The following ANXA10 variants were observed in gnomAD, a reference collection of about 807,000 sequenced individuals.
The protein encoded by ANXA10 is annexin 14.
ANXA10 carries 49 observed loss-of-function variants against 53.5 expected under a neutral mutation model. The observed-to-expected ratio is 0.92, with a 90% CI of 0.73 to 1.16. The LOEUF (loss-of-function observed/expected upper bound fraction) is 1.16. Among genes scored for constraint, ANXA10 ranks in the 50% most tolerant of loss-of-function variants. The probability of loss-of-function intolerance (pLI) is 0.00; values close to 1 mark genes in which losing one functional copy is unlikely to be tolerated. For synonymous variants in ANXA10, 131 were observed against 128.9 expected, an observed-to-expected ratio of 1.02 and a Z score of -0.11; for missense variants, 393 against 394.4, an observed-to-expected ratio of 1.00 and a Z score of 0.03.
intron 2 of ANXA10, among the ~76,000 whole-genome samples, chr4:168,137,192 C>T (rs1257840900): frequency 6.6e-6 from 1 of 152,126 alleles, no homozygotes; most frequent in African/African-American, 2.4e-5. Context: ...GGTCAAGGAG[C>T]CATTTTTTTA....
intron 3 of ANXA10, among the ~76,000 whole-genome samples, chr4:168,155,935 G>T: frequency 4.3e-5 from 1 of 23,060 alleles, no homozygotes; most frequent in Non-Finnish European, 7.6e-5. Context: ...TATATTATAT[G>T]TTATATATAA....
chr4:168,158,514 T>G (rs993297667), intron 3 of ANXA10, among the ~76,000 whole-genome samples: 1 of 152,192 alleles, frequency 6.6e-6, no homozygotes, highest in African/African-American at 2.4e-5. Context: ...TGGCAAAGAT[T>G]TGTTCTGGTA....
chr4:168,108,417 G>A lies in ANXA10; in HGVS notation c.18+15699G>A, dbSNP rs976260240. On this transcript the variant is annotated intron_variant, in intron 1 of 11. Transcript: ENST00000359299. ...TTGGTGTCATTTAGCTGGTATTATA[G>A]TCATTTAGCACTGATACACTATGGC... Among the ~76,000 whole-genome samples, 73 of 152,096 alleles carry A rather than the reference G, an allele frequency of 4.8e-4. 2 individuals carry two copies. The highest frequency in any genetic ancestry group is 1.5e-5 in the Non-Finnish European group (1 of 68,028).
intron 6 of ANXA10, among the ~76,000 whole-genome samples, chr4:168,175,153 A>G (rs549465201): frequency 2.0e-5 from 3 of 152,306 alleles, no homozygotes; most frequent in African/African-American, 7.2e-5. Flanking sequence ...GGAGTAACCA[A>G]TAAAATGAAA....
Position 168,184,638 on chromosome 4 carries a change from G to C in ANXA10, c.863G>C (p.Arg288Pro). ...SEIDLLTIRK[R>P]YKERYGKSLF... ...ATAGACCTGCTGACCATAAGGAAACGATACAAAGAGCGATATGGAAAATCC... is the reference window on the plus strand; with the variant it reads ...ATAGACCTGCTGACCATAAGGAAACCATACAAAGAGCGATATGGAAAATCC... The change falls in exon 11 of 12, where the codon CGA becomes CCA. Residue 288 changes from arginine to proline, a missense_variant. Coordinates refer to ENST00000359299, the MANE Select transcript of ANXA10 (RefSeq NM_007193.5). 1 of 1,614,034 alleles carries C rather than the reference G, an allele frequency of 6.2e-7. No homozygotes were observed. Among genetic ancestry groups the C allele is most frequent in the Non-Finnish European group, 8.5e-7 (1 of 1,179,974 alleles).
At chr4:168,144,248 G>A (rs1450947496) in intron 3 of ANXA10, among the ~76,000 whole-genome samples, 7 of 151,856 alleles carry the variant, frequency 4.6e-5, no homozygotes, top group South Asian at 2.1e-4. Flanking sequence ...GTGCACTGCC[G>A]CGCTCTCAGC....
chr4:168,184,133 C>T (rs1330110569), intron 10 of ANXA10, among the ~76,000 whole-genome samples: 1 of 152,144 alleles, frequency 6.6e-6, no homozygotes, highest in Non-Finnish European at 1.5e-5. Flanking sequence ...TCTGACAGAG[C>T]TGAGAATGTC....
chr4:168,182,977 C>A (rs532377664), intron 10 of ANXA10, among the ~76,000 whole-genome samples: 1 of 119,056 alleles, frequency 8.4e-6, no homozygotes, highest in African/African-American at 3.9e-5. Context: ...CCACTGCACT[C>A]CGGCCTGGCG....
chr4:168,099,048 G>T (rs538162128), intron 1 of ANXA10, among the ~76,000 whole-genome samples: 18 of 152,216 alleles, frequency 1.2e-4, no homozygotes, highest in African/African-American at 4.3e-4. Flanking sequence ...AGCCAGAATG[G>T]AAGGCATTGT....
intron 3 of ANXA10, among the ~76,000 whole-genome samples, chr4:168,140,436 T>C (rs1054009705): frequency 2.6e-5 from 4 of 152,166 alleles, no homozygotes. Flanking sequence ...GTAGTGACCT[T>C]AGTTGAAGTA....
At chr4:168,161,023 G>GA (rs763109125) in intron 3 of ANXA10, among the ~76,000 whole-genome samples, 3 of 152,132 alleles carry the variant, frequency 2.0e-5, no homozygotes, top group Non-Finnish European at 4.4e-5. Context: ...TGTTCACTCT[G>GA]ATGATAGTTT....
At chr4:168,151,812 G>A (rs892037420) in intron 3 of ANXA10, among the ~76,000 whole-genome samples, 2 of 152,112 alleles carry the variant, frequency 1.3e-5, no homozygotes, top group Non-Finnish European at 2.9e-5. Context: ...CATTACTATA[G>A]CACTTACCAA....
chr4:168,131,935 C>T (rs1460764263), intron 2 of ANXA10, among the ~76,000 whole-genome samples: 1 of 151,940 alleles, frequency 6.6e-6, no homozygotes. Flanking sequence ...TTTTACTCAC[C>T]TCAGTTAAAA....
At chr4:168,130,701 A>T (rs998913671) in intron 2 of ANXA10, among the ~76,000 whole-genome samples, 5 of 151,994 alleles carry the variant, frequency 3.3e-5, no homozygotes, top group African/African-American at 1.2e-4. Context: ...GTGTCTTTGA[A>T]GAAATTGATC....
chr4:168,150,907 G>A (rs1731486176), intron 3 of ANXA10, among the ~76,000 whole-genome samples: 1 of 152,138 alleles, frequency 6.6e-6, no homozygotes, highest in Non-Finnish European at 1.5e-5. Flanking sequence ...TGATATCAGG[G>A]GTGGAGTAAG....
At chr4:168,119,001 A>G (rs1271843134) in intron 1 of ANXA10, among the ~76,000 whole-genome samples, 10 of 152,186 alleles carry the variant, frequency 6.6e-5, no homozygotes, top group Non-Finnish European at 1.3e-4. Context: ...AAACTCAACT[A>G]GCTGAAAATA....
chr4:168,175,729 C>A (rs1732114687), intron 6 of ANXA10, among the ~76,000 whole-genome samples: 1 of 152,174 alleles, frequency 6.6e-6, no homozygotes, highest in Admixed American at 6.5e-5. Context: ...GGAAATTGAG[C>A]AAGAAGAAAT....
chr4:168,102,441 T>G (rs1730655160), intron 1 of ANXA10, among the ~76,000 whole-genome samples: 1 of 152,138 alleles, frequency 6.6e-6, no homozygotes, highest in Non-Finnish European at 1.5e-5. Context: ...AATATTGCAC[T>G]GTTTGCTGCT....
rs368739904 is a variant in ANXA10, at chr4:168,179,323, A to C, written c.724+11A>C. On this transcript the variant is annotated intron_variant, in intron 9 of 11. Coordinates refer to ENST00000359299, the MANE Select transcript of ANXA10 (RefSeq NM_007193.5). ...TGCTGGTTGCAATTGGTAAGTAATA[A>C]ATTATTTGAAGCACAACAGACATTT... The C allele has an allele frequency of 1.3e-6, 2 of 1,562,858 alleles. No homozygotes were observed. Among genetic ancestry groups the C allele is most frequent in the Non-Finnish European group, 1.8e-6 (2 of 1,137,202 alleles).
Sources: gnomAD v4.1 joint callset for allele counts (sites outside exome capture counted in the v4.1 genomes callset) on GRCh38, gnomAD v4.1.1 for gene constraint, MANE v1.5 for transcripts, NCBI Gene and HGNC (gene_info 2026-07-23, HGNC 2026-07-21) for gene names.